TTC28: variants seen among roughly 807,000 people sequenced by gnomAD.
TTC28 encodes the protein tetratricopeptide repeat protein 28.
TTC28 carries 61 observed loss-of-function variants against 198.0 expected under a neutral mutation model. The ratio of observed to expected loss-of-function variants is 0.31; its 90% CI spans 0.25 to 0.38. The LOEUF (loss-of-function observed/expected upper bound fraction) is 0.38. TTC28 is among the 10% of genes least tolerant of loss of function. TTC28 has a pLI of 1.00. For synonymous variants in TTC28, 1,171 were observed against 1,297.8 expected, an observed-to-expected ratio of 0.90 and a Z score of 2.10; for missense variants, 2,678 against 3,164.0, an observed-to-expected ratio of 0.85 and a Z score of 3.69.
At chr22:27,989,788 G>C in intron 21 of TTC28, 90 bp downstream of exon 21, 1 of 1,459,190 alleles carries the variant, frequency 6.9e-7, no homozygotes, top group Non-Finnish European at 9.2e-7. Context: ...AAGACACTGA[G>C]ATACTTTGCC....
chr22:28,356,273 T>C (rs777932134), intron 2 of TTC28, among the ~76,000 whole-genome samples: 1 of 152,150 alleles, frequency 6.6e-6, no homozygotes, highest in Non-Finnish European at 1.5e-5. Flanking sequence ...CACTTCCCAC[T>C]TCCTCACTTT....
intron 2 of TTC28, among the ~76,000 whole-genome samples, chr22:28,447,697 T>C (rs1302626119): frequency 1.3e-5 from 2 of 152,200 alleles, no homozygotes; most frequent in Admixed American, 1.3e-4. Flanking sequence ...GGGGTGGGAA[T>C]ACAGAATCTG....
chr22:28,348,630 G>C (rs1156895472), intron 2 of TTC28, among the ~76,000 whole-genome samples: 1 of 152,200 alleles, frequency 6.6e-6, no homozygotes, highest in Non-Finnish European at 1.5e-5. Flanking sequence ...GAAATATCCA[G>C]TTGTTTGGGA....
At chr22:28,127,848 T>C (rs1162444605) in intron 6 of TTC28, among the ~76,000 whole-genome samples, 3 of 150,228 alleles carry the variant, frequency 2.0e-5, no homozygotes, top group South Asian at 4.2e-4. Flanking sequence ...CCTCAGCCCC[T>C]CTCCAAGTAG....
At chr22:28,232,126 G>A (rs1601510206) in intron 5 of TTC28, among the ~76,000 whole-genome samples, 1 of 152,246 alleles carries the variant, frequency 6.6e-6, no homozygotes, top group Admixed American at 6.5e-5. Flanking sequence ...CACCCCTGCT[G>A]AGAGCCATAG....
At chr22:28,433,512 T>C (rs899089839) in intron 2 of TTC28, among the ~76,000 whole-genome samples, 3 of 152,224 alleles carry the variant, frequency 2.0e-5, no homozygotes, top group African/African-American at 4.8e-5. Flanking sequence ...ACAAATGTTT[T>C]AGTCTAAGTA....
At position 28,114,774 on chromosome 22, in the gene TTC28, T is replaced by C. The variant is rs575748877; in HGVS notation, c.1442-6371A>G. On this transcript the variant is annotated intron_variant, in intron 6 of 22. Transcript: ENST00000397906. ...TTTAATTAATTAATTTTTGTAGACA[T>C]GGGATCTCACTATGTTGCCCAGGCT... Among the ~76,000 whole-genome samples, 4 of 152,212 alleles carry C rather than the reference T, an allele frequency of 2.6e-5. 1 individual carries two copies. The South Asian group carries it at 8.3e-4, about 32-fold the overall frequency.
chr22:28,600,051 C>T (rs965805486), intron 2 of TTC28, among the ~76,000 whole-genome samples: 1 of 152,120 alleles, frequency 6.6e-6, no homozygotes, highest in Non-Finnish European at 1.5e-5. Context: ...TGCCATAGAA[C>T]CTTCAAATAA....
At chr22:28,020,436 G>C (rs1305673953) in intron 13 of TTC28, among the ~76,000 whole-genome samples, 1 of 152,224 alleles carries the variant, frequency 6.6e-6, no homozygotes, top group African/African-American at 2.4e-5. Context: ...TGCAGAGAGA[G>C]GTGAGGCCAC....
In TTC28 at chr22:28,014,348, G is replaced by A. The variant is rs200471285; in HGVS notation, c.4118C>T (p.Pro1373Leu). ...AAGAGAGGAGGTCCCGTCCTGGGTC[G>A]GTGACACAGTGTTACTGAACAGGCT... ...MTSLFSNTVS[P>L]TQDGTSSLPR... is the part of the protein sequence containing the mutation. The change falls in exon 14 of 23, where the codon CCG becomes CTG. Residue 1373 changes from proline (P) to leucine (L), a missense_variant. Coordinates refer to ENST00000397906, the MANE Select transcript of TTC28 (RefSeq NM_001145418.2). 2.0e-4 allele frequency: 312 copies of A among 1,551,412 alleles called. No individual in the cohort carries two copies. The highest frequency in any genetic ancestry group is 1.6e-4 in the Non-Finnish European group (189 of 1,146,952).
chr22:28,518,985 A>G (rs1189798217), intron 2 of TTC28, among the ~76,000 whole-genome samples: 1 of 152,180 alleles, frequency 6.6e-6, no homozygotes, highest in Non-Finnish European at 1.5e-5. Context: ...ATTTTTCTGG[A>G]CCTCAATTTC....
At chr22:28,032,582 A>G (rs1023147667) in intron 12 of TTC28, among the ~76,000 whole-genome samples, 5 of 152,038 alleles carry the variant, frequency 3.3e-5, no homozygotes, top group African/African-American at 1.2e-4. Context: ...ATTTAATTTT[A>G]TCTCTATGAC....
At chr22:28,255,741 G>A (rs1020702137) in intron 5 of TTC28, among the ~76,000 whole-genome samples, 3 of 151,760 alleles carry the variant, frequency 2.0e-5, no homozygotes, top group African/African-American at 4.8e-5. Flanking sequence ...GGCAACTGGT[G>A]ATGCTTAAGA....
Position 28,030,362 on chromosome 22 carries a change from A to C in TTC28, c.3937T>G (p.Cys1313Gly). 1 of 1,551,748 alleles carries C rather than the reference A, an allele frequency of 6.4e-7. No individual in the cohort carries two copies. Among genetic ancestry groups the C allele is most frequent in the Non-Finnish European group, 8.7e-7 (1 of 1,147,010 alleles). ...TCACTCTCTGTCTCACTGCTGGCAC[A>C]GGCCCTGCAGGAAAAATTGCAGAAA... ...LGVESHYSRACASSETESEAG... is the reference protein window; with the variant it reads ...LGVESHYSRAGASSETESEAG... The change falls in exon 13 of 23, where the codon TGT (cysteine) becomes GGT (glycine). Residue 1313 changes from cysteine (C) to glycine (G), a missense_variant. Around this residue, in one of 8 missense-constraint regions of TTC28, gnomAD observed 727 missense variants for 861.9 expected, o/e 0.84. Transcript: ENST00000397906.
chr22:28,284,143 G>A (rs2044636509), intron 5 of TTC28, among the ~76,000 whole-genome samples: 1 of 152,274 alleles, frequency 6.6e-6, no homozygotes, highest in East Asian at 1.9e-4. Context: ...AGGCAAGAAT[G>A]ATGGCATATT....
intron 2 of TTC28, among the ~76,000 whole-genome samples, chr22:28,433,431 C>T (rs2047464796): frequency 6.6e-6 from 1 of 152,100 alleles, no homozygotes. Context: ...CCCAAGGGAA[C>T]CAGTTTACCT....
At chr22:28,617,512 G>T (rs1267917532) in intron 2 of TTC28, among the ~76,000 whole-genome samples, 1 of 151,786 alleles carries the variant, frequency 6.6e-6, no homozygotes, top group Non-Finnish European at 1.5e-5. Context: ...AATAAAGGGG[G>T]CATATGATAT....
At chr22:28,299,174 C>T (rs2044963084) in intron 3 of TTC28, among the ~76,000 whole-genome samples, 1 of 151,434 alleles carries the variant, frequency 6.6e-6, no homozygotes, top group Non-Finnish European at 1.5e-5. Context: ...TGAGATGGCA[C>T]TTAAAAAGCA....
intron 2 of TTC28, among the ~76,000 whole-genome samples, chr22:28,514,054 A>C (rs978606346): frequency 6.6e-6 from 1 of 152,188 alleles, no homozygotes; most frequent in Admixed American, 6.5e-5. Flanking sequence ...ATTTTTAGTA[A>C]GGACACTGAT....
Sources: gnomAD v4.1 joint callset for allele counts (sites outside exome capture counted in the v4.1 genomes callset) on GRCh38, gnomAD v4.1.1 for gene constraint, gnomAD v4.1.1 regional missense constraint, MANE v1.5 for transcripts, NCBI Gene and HGNC (gene_info 2026-07-23, HGNC 2026-07-21) for gene names.